The following UBR3 variants were observed in gnomAD, a reference collection of about 807,000 sequenced individuals.
The protein encoded by UBR3 is E3 ubiquitin-protein ligase UBR3.
A neutral mutation model predicts 243.2 loss-of-function variants in UBR3; 85 were observed. The observed-to-expected ratio is 0.35, with a 90% CI of 0.29 to 0.42. The LOEUF (loss-of-function observed/expected upper bound fraction) is 0.42. Ranked by LOEUF, UBR3 falls within the 10% of genes least tolerant of loss-of-function variation. The pLI, the probability that UBR3 is intolerant of heterozygous loss-of-function variation, is 1.00. For synonymous variants in UBR3, 748 were observed against 799.8 expected (o/e 0.94, Z 1.09); for missense variants, 1,686 against 2,300.8 (o/e 0.73, Z 5.47).
At chr2:169,913,644 G>A (rs2085341747) in intron 10 of UBR3, among the ~76,000 whole-genome samples, 1 of 152,004 alleles carries the variant, frequency 6.6e-6, no homozygotes, top group Non-Finnish European at 1.5e-5. Context: ...AAAATTCAGT[G>A]ACTTGAAGTA....
chr2:170,034,439 C>T (rs928146315), intron 31 of UBR3, among the ~76,000 whole-genome samples: 2 of 151,952 alleles, frequency 1.3e-5, no homozygotes, highest in African/African-American at 2.4e-5. Context: ...CAATATGTAG[C>T]TTTTCACATT....
intron 26 of UBR3, 98 bp downstream of exon 26, chr2:169,994,554 T>A: frequency 7.2e-7 from 1 of 1,392,964 alleles, no homozygotes. Flanking sequence ...CATTCTGATG[T>A]TAAATTTGAA....
At chr2:169,945,172 C>G (rs953123249) in intron 20 of UBR3, among the ~76,000 whole-genome samples, 1 of 149,508 alleles carries the variant, frequency 6.7e-6, no homozygotes, top group Non-Finnish European at 1.5e-5. Flanking sequence ...GGGGATGGGA[C>G]AAGTGAAAGG....
rs550433342 is a variant in UBR3, at chr2:170,027,947, A to C, written c.4454-1399A>C. Among the ~76,000 whole-genome samples the C allele has an allele frequency of 2.0e-5, 3 of 152,010 alleles. No individual in the cohort carries two copies. In the South Asian group the frequency reaches 6.2e-4, roughly 32 times the overall value. ...CTCAAAAGTGAGGGTTAATAATATTACCCGCCTAGTAGAATTTTTGTGAAA... is the reference window on the plus strand; with the variant it reads ...CTCAAAAGTGAGGGTTAATAATATTCCCCGCCTAGTAGAATTTTTGTGAAA... On this transcript the variant is annotated intron_variant, in intron 30 of 38. Transcript: ENST00000272793.
At chr2:170,080,917 G>GC (rs2091894259) in intron 38 of UBR3, among the ~76,000 whole-genome samples, 1 of 152,146 alleles carries the variant, frequency 6.6e-6, no homozygotes, top group Non-Finnish European at 1.5e-5. Context: ...CGTTGGCCAG[G>GC]CCCAGTGGCT....
chr2:169,927,493 A>AT (rs1280688802), intron 17 of UBR3, 88 bp downstream of exon 17: 15 of 1,074,820 alleles, frequency 1.4e-5, no homozygotes, highest in East Asian at 5.5e-5. Flanking sequence ...TTTTTGATTA[A>AT]TTTTTTTTCA....
chr2:170,049,666 G>C (rs2091171578), intron 32 of UBR3, among the ~76,000 whole-genome samples: 1 of 152,150 alleles, frequency 6.6e-6, no homozygotes, highest in South Asian at 2.1e-4. Context: ...CCTTTACCTT[G>C]TGTTGCCCTT....
At chr2:169,856,349 C>G (rs1213071116) in intron 1 of UBR3, among the ~76,000 whole-genome samples, 1 of 139,338 alleles carries the variant, frequency 7.2e-6, no homozygotes, top group Admixed American at 7.3e-5. Flanking sequence ...ACTTCCCAGA[C>G]TGGGCAGCCG....
intron 1 of UBR3, among the ~76,000 whole-genome samples, chr2:169,869,244 T>C (rs897640485): frequency 1.6e-5 from 2 of 122,072 alleles, no homozygotes; most frequent in Non-Finnish European, 3.3e-5. Context: ...TTTTTTGAGA[T>C]GGAGTCTTGC....
At chr2:169,941,634 G>A (rs1301111769) in intron 19 of UBR3, among the ~76,000 whole-genome samples, 1 of 152,128 alleles carries the variant, frequency 6.6e-6, no homozygotes, top group Non-Finnish European at 1.5e-5. Context: ...ATCACTTACT[G>A]TTGTTAATCT....
intron 23 of UBR3, among the ~76,000 whole-genome samples, chr2:169,953,810 G>A (rs1476362288): frequency 2.0e-5 from 3 of 152,124 alleles, no homozygotes; most frequent in Admixed American, 2.0e-4. Flanking sequence ...AGAGTGAGTG[G>A]CATTAATTAA....
intron 36 of UBR3, among the ~76,000 whole-genome samples, chr2:170,076,704 C>T (rs1367681436): frequency 6.6e-6 from 1 of 152,208 alleles, no homozygotes; most frequent in Non-Finnish European, 1.5e-5. Context: ...ATCCGTGATC[C>T]AGCACACCTC....
At chr2:169,875,211 T>A (rs968190046) in intron 2 of UBR3, among the ~76,000 whole-genome samples, 3 of 152,200 alleles carry the variant, frequency 2.0e-5, no homozygotes, top group African/African-American at 7.2e-5. Flanking sequence ...TTGAATTATA[T>A]CTTGTTTTAT....
chr2:169,978,006 T>A (rs771918056), intron 24 of UBR3, among the ~76,000 whole-genome samples: 2 of 152,158 alleles, frequency 1.3e-5, no homozygotes, highest in African/African-American at 2.4e-5. Flanking sequence ...CTGGGAAAGA[T>A]GTGGTGACTC....
intron 24 of UBR3, among the ~76,000 whole-genome samples, chr2:169,965,505 G>A (rs2087765200): frequency 6.6e-6 from 1 of 152,076 alleles, no homozygotes; most frequent in Non-Finnish European, 1.5e-5. Context: ...ATTAAGCACA[G>A]TAAGAGATTA....
chr2:170,035,915 G>GGGGA (rs1239577542), intron 31 of UBR3, among the ~76,000 whole-genome samples: 1 of 138,408 alleles, frequency 7.2e-6, no homozygotes, highest in Non-Finnish European at 1.6e-5. Context: ...TTTATTGGGG[G>GGGGA]GGGGGTTGCT....
intron 36 of UBR3, chr2:170,077,990 T>C (rs1468945497): frequency 1.5e-6 from 1 of 648,174 alleles, no homozygotes; most frequent in East Asian, 3.2e-5. Flanking sequence ...GGCTTAATCA[T>C]ACTGGGAAGT....
chr2:169,985,478 G>A (rs546462032), intron 24 of UBR3, among the ~76,000 whole-genome samples: 6 of 151,812 alleles, frequency 4.0e-5, no homozygotes, highest in Non-Finnish European at 8.8e-5. Context: ...TGATCCGCCC[G>A]CCTCAGCCTC....
In UBR3 at chr2:170,082,999, G is replaced by A. The variant is rs569477822; in HGVS notation, c.*1156G>A. 2 of 152,700 alleles carry A rather than the reference G, an allele frequency of 1.3e-5. No individual in the cohort carries two copies. Among genetic ancestry groups the A allele is most frequent in the East Asian group, 3.9e-4 (2 of 5,176 alleles). 9.5% of individuals were successfully genotyped at this position (152,700 alleles called of 1,614,324 possible). On this transcript the variant is annotated 3_prime_UTR_variant, in exon 39 of 39. Transcript: ENST00000272793. ...CTAAAACCCACTCTATGAGAAGGAA[G>A]ATTACTGAAAAGCATGTGACATATT...
Sources: gnomAD v4.1 joint callset for allele counts (sites outside exome capture counted in the v4.1 genomes callset) on GRCh38, gnomAD v4.1.1 for gene constraint, MANE v1.5 for transcripts, NCBI Gene and HGNC (gene_info 2026-07-23, HGNC 2026-07-21) for gene names.